Variants in LRRC37A observed in about 807,000 individuals in gnomAD.
The protein encoded by LRRC37A is leucine-rich repeat-containing protein 37A.
Under a neutral mutation model 35.4 loss-of-function variants are expected in LRRC37A, and 3 were observed. The ratio of observed to expected loss-of-function variants is 0.08; its 90% CI spans 0.04 to 0.22. The LOEUF is 0.22. LRRC37A is among the 10% of genes least tolerant of loss of function. The probability of loss-of-function intolerance (pLI) is 1.00; values close to 1 mark genes in which losing one functional copy is unlikely to be tolerated. For missense variants in LRRC37A, 67 were observed against 565.3 expected, an observed-to-expected ratio of 0.12 and a Z score of 8.94; for synonymous variants, 23 against 215.0, an observed-to-expected ratio of 0.11 and a Z score of 7.81.
upstream of LRRC37A, among the ~76,000 whole-genome samples, chr17:46,290,770 T>C (rs1356165847): frequency 6.6e-6 from 1 of 152,224 alleles, no homozygotes; most frequent in Non-Finnish European, 1.5e-5. Flanking sequence ...TTTTATAGAT[T>C]CTAAAGCAGA....
the LRRC37A span, among the ~76,000 whole-genome samples, chr17:46,272,944 G>A: frequency 0.12 from 18,481 of 152,014 alleles, no homozygotes; most frequent in Non-Finnish European, 0.18. Flanking sequence ...CCAACCAACC[G>A]TTGCTTCATT....
chr17:46,250,085 C>A, the LRRC37A span, among the ~76,000 whole-genome samples: 1 of 152,226 alleles, frequency 6.6e-6, no homozygotes, highest in Non-Finnish European at 1.5e-5. Flanking sequence ...GCGTGAGCCA[C>A]CATGCCTGGC....
the LRRC37A span, among the ~76,000 whole-genome samples, chr17:46,252,726 A>C: frequency 6.6e-6 from 1 of 151,890 alleles, no homozygotes; most frequent in Non-Finnish European, 1.5e-5. Context: ...AAGGCAGAAG[A>C]ATTTTTCTTA....
At chr17:46,313,045 A>G (rs1256565836) in intron 5 of LRRC37A, among the ~76,000 whole-genome samples, 70 of 108,462 alleles carry the variant, frequency 6.5e-4, no homozygotes, top group Non-Finnish European at 9.5e-4. Context: ...TCTTTGTGTT[A>G]CATTGAGACT....
the LRRC37A span, among the ~76,000 whole-genome samples, chr17:46,264,631 G>C: frequency 6.6e-6 from 1 of 152,254 alleles, no homozygotes; most frequent in Non-Finnish European, 1.5e-5. Context: ...TGGCTACATA[G>C]ATCAGTCTCT....
At chr17:46,265,617 C>T in the LRRC37A span, among the ~76,000 whole-genome samples, 2 of 17,544 alleles carry the variant, frequency 1.1e-4, no homozygotes, top group Non-Finnish European at 2.5e-3. Context: ...TGGCTGGGAC[C>T]AAGGCGTGAG....
At chr17:46,261,218 T>A in the LRRC37A span, among the ~76,000 whole-genome samples, 19,641 of 151,184 alleles carry the variant, frequency 0.13, 2 homozygotes, top group Middle Eastern at 0.2. Context: ...GAAATAAAAA[T>A]TTTTTTTTAG....
At chr17:46,268,617 A>C in the LRRC37A span, 6 of 1,557,104 alleles carry the variant, frequency 3.9e-6, no homozygotes, top group Non-Finnish European at 4.3e-6. Flanking sequence ...GCTGAGGAGC[A>C]GCAGCAGCTA....
upstream of LRRC37A, among the ~76,000 whole-genome samples, chr17:46,288,174 C>T (rs2049969230): frequency 7.0e-6 from 1 of 142,516 alleles, no homozygotes; most frequent in African/African-American, 2.5e-5. Context: ...TTTTGTCTCG[C>T]TGTATAACCC....
chr17:46,275,544 G>A, the LRRC37A span: 7 of 527,684 alleles, frequency 1.3e-5, no homozygotes, highest in African/African-American at 2.0e-5. Context: ...CTTGGCAAGC[G>A]AATAGAAAAG....
chr17:46,266,265 C>T, the LRRC37A span, among the ~76,000 whole-genome samples: 1 of 152,184 alleles, frequency 6.6e-6, no homozygotes, highest in Non-Finnish European at 1.5e-5. Context: ...TCCCTCAGTC[C>T]CGAAACACCC....
At chr17:46,317,163 G>A (rs1252376387) in intron 5 of LRRC37A, among the ~76,000 whole-genome samples, 28 of 87,718 alleles carry the variant, frequency 3.2e-4, no homozygotes, top group East Asian at 4.7e-4. Context: ...GGGCAGAGGC[G>A]CTCCTCACAT....
chr17:46,283,937 CA>C, the LRRC37A span, among the ~76,000 whole-genome samples: 1 of 152,268 alleles, frequency 6.6e-6, no homozygotes, highest in Non-Finnish European at 1.5e-5. Context: ...GATACACATA[CA>C]CATAAACATC....
the LRRC37A span, among the ~76,000 whole-genome samples, chr17:46,278,603 C>T: frequency 3.3e-5 from 5 of 151,740 alleles, no homozygotes; most frequent in African/African-American, 1.2e-4. Context: ...GAGGTTTCAC[C>T]ATCTTGGCCA....
At chr17:46,324,758 T>G (rs139970359) in intron 7 of LRRC37A, among the ~76,000 whole-genome samples, 1,081 of 74,674 alleles carry the variant, frequency 0.014, 286 homozygotes, top group Middle Eastern at 0.098. Context: ...GAGGATCACT[T>G]GAACCCAGGA....
chr17:46,279,012 G>A, the LRRC37A span, among the ~76,000 whole-genome samples: 1 of 152,104 alleles, frequency 6.6e-6, no homozygotes, highest in Non-Finnish European at 1.5e-5. Context: ...TGGTCAGGCT[G>A]GTCTCGAACT....
chr17:46,267,116 A>G, the LRRC37A span: 1 of 447,836 alleles, frequency 2.2e-6, no homozygotes, highest in South Asian at 4.0e-5. Context: ...CCGGGCGGGC[A>G]TGGACGGGCG....
intron 5 of LRRC37A, among the ~76,000 whole-genome samples, chr17:46,317,151 C>A (rs1320574118): frequency 1.1e-5 from 1 of 89,354 alleles, no homozygotes; most frequent in African/African-American, 3.0e-5. Context: ...GGGGTGGCGG[C>A]CGGGCAGAGG....
At chr17:46,254,559 T>G in the LRRC37A span, among the ~76,000 whole-genome samples, 1 of 151,906 alleles carries the variant, frequency 6.6e-6, no homozygotes, top group Non-Finnish European at 1.5e-5. Context: ...TTTTTTTTTT[T>G]GAGACGCAGT....
Sources: gnomAD v4.1 joint callset for allele counts (sites outside exome capture counted in the v4.1 genomes callset) on GRCh38, gnomAD v4.1.1 for gene constraint, MANE v1.5 for transcripts, NCBI Gene and HGNC (gene_info 2026-07-23, HGNC 2026-07-21) for gene names.